OPCML: variants seen among roughly 807,000 people sequenced by gnomAD.
OPCML encodes opioid-binding protein/cell adhesion molecule.
Under a neutral mutation model 37.8 loss-of-function variants are expected in OPCML, and 13 were observed. The observed-to-expected ratio is 0.34, with a 90% CI of 0.22 to 0.55. The LOEUF (loss-of-function observed/expected upper bound fraction) is 0.55. Among genes scored for constraint, OPCML ranks in the 20% least tolerant of loss-of-function variants. The pLI is 0.91. For synonymous variants in OPCML, 176 were observed against 168.8 expected (o/e 1.04, Z -0.33); for missense variants, 341 against 435.6 (o/e 0.78, Z 1.93).
chr11:133,221,108 T>C (rs1415191364), intron 1 of OPCML, among the ~76,000 whole-genome samples: 2 of 152,248 alleles, frequency 1.3e-5, no homozygotes, highest in Non-Finnish European at 2.9e-5. Context: ...TCTCTCTTTA[T>C]ATGACACAGC....
intron 1 of OPCML, chr11:133,024,644 T>C: frequency 1.1e-6 from 1 of 914,440 alleles, no homozygotes; most frequent in South Asian, 5.0e-5. Context: ...AGACTTTCCC[T>C]GGACAATTTT....
intron 1 of OPCML, among the ~76,000 whole-genome samples, chr11:133,286,140 C>T (rs1942289516): frequency 6.6e-6 from 1 of 152,016 alleles, no homozygotes. Context: ...ATCCATGTCT[C>T]CAGACACACT....
chr11:132,435,179 C>T (rs1369729475), intron 7 of OPCML: 2 of 1,289,668 alleles, frequency 1.6e-6, no homozygotes, highest in Non-Finnish European at 2.0e-6. Flanking sequence ...TGATGAGGGG[C>T]TTATTTCTAA....
intron 4 of OPCML, chr11:132,525,723 A>G (rs1018363813): frequency 2.0e-5 from 3 of 152,154 alleles, no homozygotes; most frequent in Non-Finnish European, 4.4e-5. Flanking sequence ...TTATATTTTA[A>G]GTTCTGGGAT....
Position 133,177,391 on chromosome 11 carries a change from T to G in OPCML, c.62-234381A>C, listed in dbSNP as rs1413197773. On this transcript the variant is annotated intron_variant, in intron 1 of 7. Coordinates refer to ENST00000524381, the MANE Select transcript of OPCML (RefSeq NM_001012393.5). The surrounding 1 kb of genome is among the most constrained non-coding windows in gnomAD (Gnocchi z 5.0). ...AGAACCCTGAGGAAATCAGTAATCTTGAACCACTAATGCTAATTTATGATT... is the reference window on the plus strand; with the variant it reads ...AGAACCCTGAGGAAATCAGTAATCTGGAACCACTAATGCTAATTTATGATT... Among the ~76,000 whole-genome samples, 1 of 152,204 alleles carries G rather than the reference T, an allele frequency of 6.6e-6. No individual in the cohort carries two copies. The highest frequency in any genetic ancestry group is 1.5e-5 in the Non-Finnish European group (1 of 68,044).
At chr11:133,192,870 C>CTTTTTT (rs199872888) in intron 1 of OPCML, among the ~76,000 whole-genome samples, 1 of 138,202 alleles carries the variant, frequency 7.2e-6, no homozygotes, top group African/African-American at 2.7e-5. Context: ...CTTTTCTTTT[C>CTTTTTT]TTTTTTTTTT....
At chr11:132,741,005 C>A (rs1945417519) in intron 2 of OPCML, among the ~76,000 whole-genome samples, 1 of 152,160 alleles carries the variant, frequency 6.6e-6, no homozygotes, top group Non-Finnish European at 1.5e-5. Flanking sequence ...GCTCAAAGTT[C>A]AAATCCAGCA....
At chr11:132,588,961 C>T (rs1192633461) in intron 3 of OPCML, among the ~76,000 whole-genome samples, 3 of 152,176 alleles carry the variant, frequency 2.0e-5, no homozygotes, top group African/African-American at 7.2e-5. Context: ...AACTACAATG[C>T]AACACTGAGA....
intron 4 of OPCML, among the ~76,000 whole-genome samples, chr11:132,504,911 G>T (rs1479035650): frequency 6.6e-6 from 1 of 152,074 alleles, no homozygotes; most frequent in African/African-American, 2.4e-5. Flanking sequence ...GACTTTCTAA[G>T]CAATCACAAT....
At chr11:133,500,714 T>C (rs983249241) in intron 1 of OPCML, among the ~76,000 whole-genome samples, 3 of 152,160 alleles carry the variant, frequency 2.0e-5, no homozygotes, top group African/African-American at 7.2e-5. Flanking sequence ...CTCCCTTAAT[T>C]CAAGTCAGTT....
chr11:133,034,730 T>C (rs182726010), intron 1 of OPCML, among the ~76,000 whole-genome samples: 2 of 151,514 alleles, frequency 1.3e-5, no homozygotes, highest in Non-Finnish European at 2.9e-5. Flanking sequence ...AAGTGCTTAG[T>C]AAAGTCTGTT....
intron 2 of OPCML, among the ~76,000 whole-genome samples, chr11:132,701,549 A>T (rs1943817270): frequency 6.6e-6 from 1 of 152,148 alleles, no homozygotes; most frequent in Admixed American, 6.5e-5. Context: ...ATCTAAAGTG[A>T]GGTCCTTGTT....
chr11:133,449,604 G>A (rs1261694587), intron 1 of OPCML, among the ~76,000 whole-genome samples: 1 of 148,186 alleles, frequency 6.7e-6, no homozygotes, highest in African/African-American at 2.7e-5. Flanking sequence ...TCAGGTTCTG[G>A]TGGCTCCTGA....
At chr11:132,446,521 G>C (rs2096055698) in intron 4 of OPCML, among the ~76,000 whole-genome samples, 1 of 152,026 alleles carries the variant, frequency 6.6e-6, no homozygotes, top group African/African-American at 2.4e-5. Context: ...GAAACTAACA[G>C]TTCAGACCCA....
At chr11:132,762,097 A>G (rs953979006) in intron 2 of OPCML, among the ~76,000 whole-genome samples, 2 of 152,140 alleles carry the variant, frequency 1.3e-5, no homozygotes, top group African/African-American at 4.8e-5. Flanking sequence ...AGTTTGCTGG[A>G]GGTCCACTCC....
chr11:132,811,477 A>G (rs957440352), intron 2 of OPCML, among the ~76,000 whole-genome samples: 4 of 152,208 alleles, frequency 2.6e-5, no homozygotes, highest in South Asian at 2.1e-4. Context: ...GCAGTTTTCT[A>G]GAAGAGCCTG....
At chr11:132,699,468 G>A (rs963612323) in intron 2 of OPCML, among the ~76,000 whole-genome samples, 4 of 152,182 alleles carry the variant, frequency 2.6e-5, no homozygotes, top group African/African-American at 9.6e-5. Flanking sequence ...TATAGAATAT[G>A]ATGTTAGCTG....
chr11:132,800,893 G>C (rs1308316321), intron 2 of OPCML, among the ~76,000 whole-genome samples: 1 of 152,062 alleles, frequency 6.6e-6, no homozygotes, highest in Non-Finnish European at 1.5e-5. Flanking sequence ...TTTGGTGTTA[G>C]AGTAATAATT....
At chr11:132,843,093 T>TTTC (rs1291995382) in intron 2 of OPCML, among the ~76,000 whole-genome samples, 9 of 16,936 alleles carry the variant, frequency 5.3e-4, no homozygotes, top group Admixed American at 3.4e-3. Context: ...TTTTTCTTTC[T>TTTC]TTTTTTTTTT....
Sources: allele counts gnomAD v4.1 joint callset (sites outside exome capture counted in the v4.1 genomes callset), GRCh38; gene constraint gnomAD v4.1.1; non-coding constraint Gnocchi (gnomAD v3.1); transcripts MANE v1.5; gene names NCBI Gene and HGNC (gene_info 2026-07-23, HGNC 2026-07-21).